The following NSD1 variants were observed in gnomAD, a reference collection of about 807,000 sequenced individuals.
NSD1 encodes histone-lysine N-methyltransferase, H3 lysine-36 specific.
In NSD1, 26 loss-of-function variants were observed where a neutral mutation model predicts 242.7. That is an observed-to-expected ratio of 0.11 (90% confidence interval 0.08 to 0.15). NSD1 has a LOEUF of 0.15. Ranked by LOEUF, NSD1 falls within the 10% of genes least tolerant of loss-of-function variation. The pLI, the probability that NSD1 is intolerant of heterozygous loss-of-function variation, is 1.00. For missense variants in NSD1, 2,495 were observed against 3,272.8 expected (o/e 0.76, Z 5.80); for synonymous variants, 1,106 against 1,178.1 (o/e 0.94, Z 1.25).
chr5:177,150,044 C>A (rs996642766), intron 2 of NSD1, among the ~76,000 whole-genome samples: 3 of 152,168 alleles, frequency 2.0e-5, no homozygotes, highest in Admixed American at 1.3e-4. Flanking sequence ...TCAAGTGATT[C>A]TCCTGCCTCA....
In NSD1 at chr5:177,211,105, A is replaced by G. The variant is rs1335580302; in HGVS notation, c.2706A>G (p.Glu902=). 1 of 1,614,226 alleles carries G rather than the reference A, an allele frequency of 6.2e-7. No homozygotes were observed. Among genetic ancestry groups the G allele is most frequent in the African/African-American group, 1.3e-5 (1 of 75,068 alleles). ...SASSQNHIPI[E]PDYKFSTLLM... is the part of the protein sequence containing the mutation. The stretch of plus-strand genomic sequence containing the variant: ...CTAGTCAGAATCACATACCTATTGA[A>G]CCAGACTACAAATTCAGTACATTGC... The change falls in exon 5 of 23, where the codon GAA becomes GAG. Residue 902 remains glutamate, a synonymous_variant. Coordinates refer to ENST00000439151, the MANE Select transcript of NSD1 (RefSeq NM_022455.5).
intron 5 of NSD1, chr5:177,229,875 C>G (rs1333270441): frequency 4.4e-6 from 1 of 229,118 alleles, no homozygotes; most frequent in Non-Finnish European, 8.9e-6. Flanking sequence ...TCCTGAGTAG[C>G]TGCAACTACA....
In NSD1 at chr5:177,271,756, G is replaced by C. The variant is rs147622377; in HGVS notation, c.5510-1916G>C. On this transcript the variant is annotated intron_variant, in intron 16 of 22. Coordinates refer to ENST00000439151, the MANE Select transcript of NSD1 (RefSeq NM_022455.5). ...GATCCCTAGTTAGAGCAGAGTTTTAGAAACTTTAGCCTGGGACATTGTTGG... is the reference window on the plus strand; with the variant it reads ...GATCCCTAGTTAGAGCAGAGTTTTACAAACTTTAGCCTGGGACATTGTTGG... Among the ~76,000 whole-genome samples, 66 of 152,284 alleles carry C rather than the reference G, an allele frequency of 4.3e-4. 1 individual carries two copies. In the East Asian group the frequency reaches 0.012, roughly 29 times the overall value.
At chr5:177,229,946 G>GT (rs1031017254) in intron 5 of NSD1, 184 of 167,712 alleles carry the variant, frequency 1.1e-3, no homozygotes, top group African/African-American at 4.3e-3. Context: ...GCTTCACCAT[G>GT]TTGGCCAGGC....
intron 2 of NSD1, among the ~76,000 whole-genome samples, chr5:177,155,582 T>A (rs1056676612): frequency 6.8e-5 from 10 of 146,582 alleles, no homozygotes; most frequent in East Asian, 5.9e-4. Context: ...TTTTTTTTTT[T>A]AAACCTGGAT....
At chr5:177,138,137 C>A (rs1408495604) in intron 2 of NSD1, among the ~76,000 whole-genome samples, 1 of 151,468 alleles carries the variant, frequency 6.6e-6, no homozygotes, top group African/African-American at 2.4e-5. Context: ...ATATTGGAGC[C>A]TTTAGATAGT....
intron 2 of NSD1, among the ~76,000 whole-genome samples, chr5:177,151,946 C>T (rs183456375): frequency 5.5e-4 from 83 of 151,618 alleles, no homozygotes; most frequent in East Asian, 3.9e-4. Context: ...CTGAAAGCTC[C>T]GCCTCCCGGG....
intron 2 of NSD1, among the ~76,000 whole-genome samples, chr5:177,170,261 C>T (rs943219360): frequency 2.0e-5 from 3 of 151,850 alleles, no homozygotes; most frequent in Non-Finnish European, 4.4e-5. Context: ...TGTGAGCCAC[C>T]GCGCCCAGCT....
intron 10 of NSD1, 32 bp downstream of exon 10, chr5:177,246,828 T>C: frequency 6.7e-7 from 1 of 1,497,136 alleles, no homozygotes; most frequent in Non-Finnish European, 9.3e-7. Context: ...TTTCACCTTC[T>C]AAAGAGAAGC....
At position 177,134,617 on chromosome 5, in the gene NSD1, G is replaced by A. The variant is rs1756148983; in HGVS notation, c.-17-470G>A. On this transcript the variant is annotated intron_variant, in intron 1 of 22. Coordinates refer to ENST00000439151, the MANE Select transcript of NSD1 (RefSeq NM_022455.5). The surrounding 1 kb of genome is among the most constrained non-coding windows in gnomAD (Gnocchi z 4.2). ...AAGGCTCCGGCGCTGGCTGGGCGCA[G>A]GGTGCAGCGCTATTGTGACCGCTGC... 6.6e-6 allele frequency among the ~76,000 whole-genome samples: 1 copy of A among 152,204 alleles called. No homozygotes were observed. The highest frequency in any genetic ancestry group is 2.1e-4 in the South Asian group (1 of 4,836).
intron 14 of NSD1, chr5:177,265,141 T>C (rs1265493965): frequency 7.9e-6 from 6 of 759,296 alleles, no homozygotes; most frequent in South Asian, 5.4e-5. Flanking sequence ...TGGGTTCAAC[T>C]GAAGCACTAG....
intron 21 of NSD1, among the ~76,000 whole-genome samples, chr5:177,290,066 G>C (rs1019538777): frequency 1.3e-5 from 2 of 151,604 alleles, no homozygotes; most frequent in Admixed American, 6.6e-5. Context: ...CTGACCTCGT[G>C]ATCCGCCCGC....
At chr5:177,158,269 C>CT (rs1351900675) in intron 2 of NSD1, among the ~76,000 whole-genome samples, 2 of 103,160 alleles carry the variant, frequency 1.9e-5, no homozygotes, top group African/African-American at 5.5e-5. Flanking sequence ...TTCTTTCTTT[C>CT]TTTCTTTCTT....
rs529870085 is a variant in NSD1 at position 177,227,317 on chromosome 5, C to G, written c.3797-8504C>G. ...TATGAAAATAATAATGCCTTATGGT[C>G]TTAAATACATATGGCATTAAAATAT... On this transcript the variant is annotated intron_variant, in intron 5 of 22. Transcript: ENST00000439151. Among the ~76,000 whole-genome samples the G allele has an allele frequency of 2.6e-5, 4 of 152,154 alleles. No individual in the cohort carries two copies. In the South Asian group the frequency reaches 8.3e-4, roughly 32 times the overall value.
At chr5:177,223,007 G>A (rs1185846949) in intron 5 of NSD1, among the ~76,000 whole-genome samples, 2 of 151,702 alleles carry the variant, frequency 1.3e-5, no homozygotes, top group African/African-American at 4.8e-5. Flanking sequence ...TGTATATGGT[G>A]TGAGTGAGGG....
At chr5:177,186,029 ATTTTT>A (rs565401593) in intron 2 of NSD1, among the ~76,000 whole-genome samples, 1 of 102,252 alleles carries the variant, frequency 9.8e-6, no homozygotes. Flanking sequence ...TATATTATAT[ATTTTT>A]TATATATATA....
rs192379926 is a variant in NSD1, at chr5:177,277,488, C to T, written c.5623-3077C>T. ...TTCTGACCCTTTACAGAAAAAGTTACTTAACTCCTGATCTATAGTGAGATT... is the reference window on the plus strand; with the variant it reads ...TTCTGACCCTTTACAGAAAAAGTTATTTAACTCCTGATCTATAGTGAGATT... On this transcript the variant is annotated intron_variant, in intron 17 of 22. Transcript: ENST00000439151. Among the ~76,000 whole-genome samples the T allele has an allele frequency of 1.4e-4, 22 of 152,300 alleles. No individual in the cohort carries two copies. In the East Asian group the frequency reaches 4.2e-3, roughly 29 times the overall value.
At chr5:177,202,747 TAC>T (rs1485754664) in intron 3 of NSD1, among the ~76,000 whole-genome samples, 2 of 152,162 alleles carry the variant, frequency 1.3e-5, no homozygotes, top group Non-Finnish European at 2.9e-5. Context: ...TCTGTATAGG[TAC>T]ACACATGTGT....
intron 2 of NSD1, among the ~76,000 whole-genome samples, chr5:177,191,061 G>GT (rs1761651620): frequency 6.6e-6 from 1 of 150,444 alleles, no homozygotes; most frequent in Non-Finnish European, 1.5e-5. Context: ...CCGCCTCCAG[G>GT]GTTCAAGCGA....
Sources: gnomAD v4.1 joint callset for allele counts (sites outside exome capture counted in the v4.1 genomes callset) on GRCh38, gnomAD v4.1.1 for gene constraint, Gnocchi (gnomAD v3.1) non-coding constraint, MANE v1.5 for transcripts, NCBI Gene and HGNC (gene_info 2026-07-23, HGNC 2026-07-21) for gene names.